Variants in ZFHX3 observed in about 807,000 individuals in gnomAD.
ZFHX3 encodes zinc finger homeobox 3.
A neutral mutation model predicts 279.1 loss-of-function variants in ZFHX3; 42 were observed. The observed-to-expected ratio is 0.15, with a 90% CI of 0.12 to 0.19. The LOEUF is 0.19. Among genes scored for constraint, ZFHX3 ranks in the 10% least tolerant of loss-of-function variants. The pLI, the probability that ZFHX3 is intolerant of heterozygous loss-of-function variation, is 1.00. For synonymous variants in ZFHX3, 2,293 were observed against 1,957.8 expected, an observed-to-expected ratio of 1.17 and a Z score of -4.52; for missense variants, 4,981 against 4,754.0, an observed-to-expected ratio of 1.05 and a Z score of -1.40.
intron 4 of ZFHX3, among the ~76,000 whole-genome samples, chr16:72,852,081 T>A (rs771330916): frequency 2.0e-5 from 3 of 152,170 alleles, no homozygotes; most frequent in Non-Finnish European, 4.4e-5. Context: ...TGAAAGAGGA[T>A]TATACAGAAA....
intron 2 of ZFHX3, among the ~76,000 whole-genome samples, chr16:73,519,472 C>G (rs947354060): frequency 6.6e-6 from 1 of 152,072 alleles, no homozygotes; most frequent in South Asian, 2.1e-4. Flanking sequence ...ACCTTGGGCC[C>G]GTGATTCATT....
At chr16:73,678,176 C>A (rs567178446) in intron 2 of ZFHX3, among the ~76,000 whole-genome samples, 1 of 152,152 alleles carries the variant, frequency 6.6e-6, no homozygotes, top group South Asian at 2.1e-4. Context: ...CAGAAAAAAA[C>A]TAAATGTTCA....
At chr16:73,760,018 T>TTTTTA (rs1555500050) in intron 1 of ZFHX3, among the ~76,000 whole-genome samples, 2 of 146,402 alleles carry the variant, frequency 1.4e-5, no homozygotes, top group African/African-American at 5.0e-5. Flanking sequence ...TGTTTTTTTT[T>TTTTTA]AAAAAAAAAT....
At chr16:73,321,038 G>A (rs766494231) in intron 3 of ZFHX3, among the ~76,000 whole-genome samples, 3 of 152,178 alleles carry the variant, frequency 2.0e-5, no homozygotes, top group Non-Finnish European at 4.4e-5. Context: ...ACCCCCAGGA[G>A]ATCCTGTCAT....
At chr16:73,247,475 T>C (rs1042640162) in intron 5 of ZFHX3, among the ~76,000 whole-genome samples, 1 of 151,456 alleles carries the variant, frequency 6.6e-6, no homozygotes, top group Non-Finnish European at 1.5e-5. Context: ...GCGTATATGA[T>C]GTGTCTGTGT....
chr16:73,312,447 G>A (rs546610096), intron 4 of ZFHX3, among the ~76,000 whole-genome samples: 1 of 152,268 alleles, frequency 6.6e-6, no homozygotes, highest in Admixed American at 6.5e-5. Flanking sequence ...TGGCTAACTT[G>A]GGAAGTCATC....
chr16:73,737,598 C>G (rs1401278636), intron 1 of ZFHX3, among the ~76,000 whole-genome samples: 1 of 151,924 alleles, frequency 6.6e-6, no homozygotes, highest in Non-Finnish European at 1.5e-5. Flanking sequence ...AAAAGCTGTG[C>G]TATTCAAAGC....
intron 1 of ZFHX3, among the ~76,000 whole-genome samples, chr16:73,704,399 G>T (rs1213154651): frequency 1.3e-5 from 2 of 152,054 alleles, no homozygotes; most frequent in Non-Finnish European, 2.9e-5. Context: ...GAAAGAAAAT[G>T]CAAGATTAAA....
chr16:73,819,604 G>A (rs1233304922), intron 1 of ZFHX3, among the ~76,000 whole-genome samples: 1 of 151,998 alleles, frequency 6.6e-6, no homozygotes, highest in East Asian at 1.9e-4. Flanking sequence ...CCACTATGAA[G>A]GGAAGGATCA....
At chr16:73,040,989 C>T (rs1965090645) in intron 1 of ZFHX3, among the ~76,000 whole-genome samples, 1 of 152,184 alleles carries the variant, frequency 6.6e-6, no homozygotes, top group South Asian at 2.1e-4. Context: ...GGGTGTAAGG[C>T]CCATAGCAGA....
intron 1 of ZFHX3, among the ~76,000 whole-genome samples, chr16:73,852,494 T>C (rs1259956850): frequency 6.6e-6 from 1 of 152,232 alleles, no homozygotes; most frequent in African/African-American, 2.4e-5. Flanking sequence ...ATATTTTCTA[T>C]GTATGTCTTT....
intron 8 of ZFHX3, among the ~76,000 whole-genome samples, chr16:73,077,552 T>C (rs1360047603): frequency 6.6e-6 from 1 of 150,760 alleles, no homozygotes; most frequent in African/African-American, 2.4e-5. Context: ...AAAAATCTGC[T>C]TAGAAAAAAA....
chr16:72,954,010 C>G (rs1961123301), intron 2 of ZFHX3, among the ~76,000 whole-genome samples: 1 of 152,222 alleles, frequency 6.6e-6, no homozygotes, highest in African/African-American at 2.4e-5. Flanking sequence ...TACAAATCCG[C>G]TAATCCAGCT....
intron 1 of ZFHX3, among the ~76,000 whole-genome samples, chr16:73,018,279 TA>T (rs199639875): frequency 1 from 152,003 of 152,004 alleles, 76,001 homozygotes; most frequent in Middle Eastern, 1. Flanking sequence ...GGCGTGAGCA[TA>T]CACGCCTGGC....
intron 2 of ZFHX3, among the ~76,000 whole-genome samples, chr16:73,659,082 G>A (rs1056205086): frequency 3.3e-5 from 5 of 152,152 alleles, no homozygotes; most frequent in Non-Finnish European, 4.4e-5. Flanking sequence ...GAAAGGAGAT[G>A]TGGTTGGATT....
chr16:72,943,067 G>A (rs540033408), intron 3 of ZFHX3, among the ~76,000 whole-genome samples: 1 of 152,158 alleles, frequency 6.6e-6, no homozygotes, highest in South Asian at 2.1e-4. Context: ...ATTCACAAGA[G>A]GTTCTGCAAG....
At chr16:73,376,988 T>TC (rs997369488) in intron 3 of ZFHX3, among the ~76,000 whole-genome samples, 4 of 151,626 alleles carry the variant, frequency 2.6e-5, no homozygotes, top group Admixed American at 6.6e-5. Context: ...TTTTTTTTTT[T>TC]TGAGAGACAG....
At chr16:73,471,671 G>A (rs1488465618) in intron 2 of ZFHX3, among the ~76,000 whole-genome samples, 1 of 152,122 alleles carries the variant, frequency 6.6e-6, no homozygotes, top group African/African-American at 2.4e-5. Flanking sequence ...AGGGCTCAGG[G>A]GACCCTTTAG....
intron 1 of ZFHX3, among the ~76,000 whole-genome samples, chr16:72,995,532 T>C (rs1436114720): frequency 6.6e-6 from 1 of 152,194 alleles, no homozygotes; most frequent in Non-Finnish European, 1.5e-5. Context: ...CAACTACAAC[T>C]ACAGCGGTCA....
Sources: gnomAD v4.1 joint callset for allele counts (sites outside exome capture counted in the v4.1 genomes callset) on GRCh38, gnomAD v4.1.1 for gene constraint, MANE v1.5 for transcripts, NCBI Gene and HGNC (gene_info 2026-07-23, HGNC 2026-07-21) for gene names.